BRD1: variants seen among roughly 807,000 people sequenced by gnomAD.
The protein encoded by BRD1 is bromodomain-containing protein 1.
In BRD1, 24 loss-of-function variants were observed where a neutral mutation model predicts 107.7. The observed-to-expected ratio is 0.22, with a 90% CI of 0.16 to 0.31. The LOEUF is 0.31. Ranked by LOEUF, BRD1 falls within the 10% of genes least tolerant of loss-of-function variation. The pLI is 1.00. For missense variants in BRD1, 1,279 were observed against 1,638.6 expected (o/e 0.78, Z 3.79); for synonymous variants, 744 against 686.1 (o/e 1.08, Z -1.32).
At chr22:49,798,792 G>A (rs980987068) in intron 4 of BRD1, 106 bp from the exon 5 acceptor site, 25 of 1,450,130 alleles carry the variant, frequency 1.7e-5, no homozygotes, top group East Asian at 7.4e-5. Context: ...CTGTGCTTCC[G>A]TCCAGGCATA....
intron 2 of BRD1, chr22:49,817,184 A>AAG (rs1449262723): frequency 7.2e-5 from 11 of 152,764 alleles, no homozygotes; most frequent in African/African-American, 2.7e-4. Flanking sequence ...AATGGCTCAG[A>AAG]AGGGGTGCAG....
At chr22:49,795,176 A>G (rs1443503278) in intron 6 of BRD1, among the ~76,000 whole-genome samples, 1 of 152,240 alleles carries the variant, frequency 6.6e-6, no homozygotes, top group East Asian at 1.9e-4. Flanking sequence ...TGTCATAGAT[A>G]ATACTCAAAA....
chr22:49,777,792 C>T lies in BRD1; in HGVS notation c.2879G>A (p.Gly960Asp), dbSNP rs933085584. Residue 960 changes from glycine (G) to aspartate (D), a missense_variant, in exon 9 of 13, where the codon GGT becomes GAT. By Grantham distance (94) the Gly-to-Asp change is moderately conservative (BLOSUM62 -1). Transcript: ENST00000404760. ...LDAGLTNGFGGARSEQEPGGG... is the reference protein window; with the variant it reads ...LDAGLTNGFGDARSEQEPGGG... ...GCCCGGCTCCTGCTCGCTCCTCGCA[C>T]CCCCAAAGCCGTTGGTGAGACCTGG... The T allele has an allele frequency of 1.2e-6, 2 of 1,602,264 alleles. No individual in the cohort carries two copies. Among genetic ancestry groups the T allele is most frequent in the African/African-American group, 1.3e-5 (1 of 74,836 alleles).
chr22:49,776,545 C>T (rs767020358), intron 10 of BRD1, among the ~76,000 whole-genome samples: 9 of 152,242 alleles, frequency 5.9e-5, no homozygotes, highest in Non-Finnish European at 8.8e-5. Context: ...GCTCCCCCTC[C>T]GCCAGACCAG....
chr22:49,822,636 G>C (rs2060088283), intron 2 of BRD1, among the ~76,000 whole-genome samples: 1 of 152,068 alleles, frequency 6.6e-6, no homozygotes, highest in Admixed American at 6.6e-5. Context: ...CTTGAACCCA[G>C]GAGGCGGGGG....
chr22:49,794,146 G>A lies in BRD1; in HGVS notation c.2247C>T (p.Ala749=). ...GCTGGCTCAGCTTGTTTCGGAGAAG[G>A]GCAATTTCCTTTTTGAGCAGCTTTG... ...KRAKLLKKEI[A]LLRNKLSQQH... Residue 749 remains alanine (A), a synonymous_variant, in exon 7 of 13, where the codon GCC becomes GCT. Coordinates refer to ENST00000404760, the MANE Select transcript of BRD1 (RefSeq NM_001304808.3). 2 of 1,614,272 alleles carry A rather than the reference G, an allele frequency of 1.2e-6. No individual in the cohort carries two copies. Among genetic ancestry groups the A allele is most frequent in the Non-Finnish European group, 1.7e-6 (2 of 1,180,052 alleles).
At chr22:49,777,603 G>T (rs561082836) in intron 9 of BRD1, 75 bp downstream of exon 9, 10 of 1,547,798 alleles carry the variant, frequency 6.5e-6, no homozygotes, top group Non-Finnish European at 7.8e-6. Context: ...GGAATGTCCC[G>T]GCTTCCAGGA....
At chr22:49,813,525 T>C (rs1486854656) in intron 2 of BRD1, among the ~76,000 whole-genome samples, 1 of 151,404 alleles carries the variant, frequency 6.6e-6, no homozygotes, top group Non-Finnish European at 1.5e-5. Flanking sequence ...CCCAGCCTTT[T>C]ATTTTTATTA....
intron 2 of BRD1, among the ~76,000 whole-genome samples, chr22:49,819,987 G>T (rs558336134): frequency 2.0e-5 from 3 of 151,672 alleles, no homozygotes; most frequent in African/African-American, 7.3e-5. Flanking sequence ...AAAATCGGCC[G>T]GGTGTGGTGG....
intron 7 of BRD1, among the ~76,000 whole-genome samples, chr22:49,793,601 A>G (rs1162996994): frequency 5.3e-5 from 8 of 152,188 alleles, no homozygotes; most frequent in Admixed American, 5.2e-4. Flanking sequence ...AGCCCTTTCA[A>G]AATGCTGCAT....
Position 49,823,056 on chromosome 22 carries a change from C to T in BRD1, c.1262G>A (p.Arg421Lys). 6 of 1,614,254 alleles carry T rather than the reference C, an allele frequency of 3.7e-6. No individual in the cohort carries two copies. Among genetic ancestry groups the T allele is most frequent in the Non-Finnish European group, 5.1e-6 (6 of 1,180,052 alleles). Residue 421 changes from arginine to lysine, a missense_variant, in exon 2 of 13, where the codon AGG (arginine) becomes AAG (lysine). Coordinates refer to ENST00000404760, the MANE Select transcript of BRD1 (RefSeq NM_001304808.3). ...CTTCTTCCTGACCTTGGATGTGGACCTGACCGTTTTAACCGAGCTCTCTTT... is the reference window on the plus strand; with the variant it reads ...CTTCTTCCTGACCTTGGATGTGGACTTGACCGTTTTAACCGAGCTCTCTTT... ...CRKESSVKTV[R>K]STSKVRKKAK...
At position 49,827,517 on chromosome 22, in the gene BRD1, G is replaced by A. The variant is rs1383440207; in HGVS notation, c.-35C>T. On this transcript the variant is annotated 5_prime_UTR_variant, in exon 1 of 13. Coordinates refer to ENST00000404760, the MANE Select transcript of BRD1 (RefSeq NM_001304808.3). ...CTCACCTTCGGGGCGCCGCGGCCGC[G>A]GGAGCCCGGCAAGCGGGCGGGCGCG... The A allele has an allele frequency of 2.1e-5, 3 of 144,928 alleles. No homozygotes were observed. Among genetic ancestry groups the A allele is most frequent in the Non-Finnish European group, 4.6e-5 (3 of 65,366 alleles). 9.0% of individuals were successfully genotyped at this position (144,928 alleles called of 1,614,324 possible).
intron 2 of BRD1, among the ~76,000 whole-genome samples, chr22:49,821,780 T>C (rs1042367964): frequency 1.3e-5 from 2 of 152,126 alleles, no homozygotes; most frequent in Non-Finnish European, 2.9e-5. Context: ...CCTCAGAGGG[T>C]CCTGCTCACT....
At chr22:49,810,576 G>C (rs557236393) in intron 2 of BRD1, among the ~76,000 whole-genome samples, 1 of 152,296 alleles carries the variant, frequency 6.6e-6, no homozygotes, top group South Asian at 2.1e-4. Context: ...TGCAAGTCAT[G>C]TATCTAATAG....
chr22:49,787,987 G>C, intron 7 of BRD1, 100 bp from the exon 8 acceptor site: 7 of 1,181,690 alleles, frequency 5.9e-6, no homozygotes, highest in Non-Finnish European at 8.1e-6. Flanking sequence ...TACTAATTCA[G>C]TTAAGGAAAC....
At chr22:49,822,689 G>A (rs1000537539) in intron 2 of BRD1, among the ~76,000 whole-genome samples, 8 of 151,608 alleles carry the variant, frequency 5.3e-5, no homozygotes, top group African/African-American at 1.7e-4. Flanking sequence ...CAGCCTGGGC[G>A]ACAGAGTAAA....
chr22:49,825,308 G>C (rs1477170020), intron 1 of BRD1, among the ~76,000 whole-genome samples: 1 of 152,126 alleles, frequency 6.6e-6, no homozygotes, highest in African/African-American at 2.4e-5. Flanking sequence ...CTCGCTGCTT[G>C]CAGAGACCCT....
intron 2 of BRD1, chr22:49,805,567 G>A (rs986552844): frequency 1.3e-5 from 2 of 152,600 alleles, no homozygotes; most frequent in Non-Finnish European, 2.9e-5. Context: ...GGTGCACTGG[G>A]ACGCTGGGCT....
intron 6 of BRD1, among the ~76,000 whole-genome samples, chr22:49,796,329 C>T (rs999524487): frequency 6.6e-6 from 1 of 151,220 alleles, no homozygotes; most frequent in Non-Finnish European, 1.5e-5. Flanking sequence ...CTCCTGACTT[C>T]GTGATCCACC....
Sources: gnomAD v4.1 joint callset for allele counts (sites outside exome capture counted in the v4.1 genomes callset) on GRCh38, gnomAD v4.1.1 for gene constraint, MANE v1.5 for transcripts, NCBI Gene and HGNC (gene_info 2026-07-23, HGNC 2026-07-21) for gene names.